Variants in PHACTR1 observed in about 807,000 individuals in gnomAD.
PHACTR1 encodes RPEL repeat containing 1.
A neutral mutation model predicts 69.2 loss-of-function variants in PHACTR1; 16 were observed. The observed-to-expected ratio is 0.23, with a 90% CI of 0.16 to 0.35. The LOEUF (loss-of-function observed/expected upper bound fraction) is 0.35, where lower values mean the gene tolerates loss of function less well. PHACTR1 is among the 10% of genes least tolerant of loss of function. The pLI is 1.00. For synonymous variants in PHACTR1, 312 were observed against 284.5 expected, an observed-to-expected ratio of 1.10 and a Z score of -0.97; for missense variants, 510 against 734.7, an observed-to-expected ratio of 0.69 and a Z score of 3.54.
chr6:12,974,774 T>G (rs1162812069), intron 4 of PHACTR1, among the ~76,000 whole-genome samples: 1 of 152,132 alleles, frequency 6.6e-6, no homozygotes, highest in East Asian at 1.9e-4. Flanking sequence ...GCAAGCAATA[T>G]TTTGAGAGGT....
At chr6:12,777,979 T>C (rs951852300) in intron 4 of PHACTR1, among the ~76,000 whole-genome samples, 17 of 152,144 alleles carry the variant, frequency 1.1e-4, no homozygotes, top group African/African-American at 4.1e-4. Flanking sequence ...TATGGGCATA[T>C]GAATGGGATG....
chr6:13,178,419 T>C (rs531763087), intron 6 of PHACTR1, among the ~76,000 whole-genome samples: 8 of 152,236 alleles, frequency 5.3e-5, no homozygotes, highest in Non-Finnish European at 1.2e-4. Context: ...TTATCCTTAA[T>C]TCAGTGTTTT....
chr6:13,113,187 C>CAAGA (rs1817302738), intron 5 of PHACTR1, among the ~76,000 whole-genome samples: 1 of 151,894 alleles, frequency 6.6e-6, no homozygotes, highest in African/African-American at 2.4e-5. Context: ...AGTGGCAGAG[C>CAAGA]AAGATCCTGT....
chr6:13,145,173 A>C (rs1017687391), intron 5 of PHACTR1, among the ~76,000 whole-genome samples: 2 of 152,244 alleles, frequency 1.3e-5, no homozygotes, highest in Non-Finnish European at 2.9e-5. Flanking sequence ...CAGAATCAAC[A>C]GAAAATCTGC....
rs1364969049 is a variant in PHACTR1 at position 13,103,581 on chromosome 6, AT to A, written c.415+50054del. Among the ~76,000 whole-genome samples the A allele has an allele frequency of 5.9e-5, 9 of 152,316 alleles. 1 individual carries two copies. Among genetic ancestry groups the A allele is most frequent in the Non-Finnish European group, 7.4e-5 (5 of 68,016 alleles). ...AAAACAAAAAGTATATATAATTGTT[AT>A]TATGGGGTAGAAGTGTTTCTTTGTT... On this transcript the variant is annotated intron_variant, in intron 5 of 14. Transcript: ENST00000332995.
chr6:13,135,732 T>A (rs1188251517), intron 5 of PHACTR1, among the ~76,000 whole-genome samples: 1 of 152,132 alleles, frequency 6.6e-6, no homozygotes, highest in Admixed American at 6.5e-5. Flanking sequence ...TTAAAACGTA[T>A]TTTAGGCCAG....
chr6:13,220,156 G>C (rs945521352), intron 8 of PHACTR1, among the ~76,000 whole-genome samples: 1 of 152,196 alleles, frequency 6.6e-6, no homozygotes, highest in African/African-American at 2.4e-5. Context: ...AGATGCTCCT[G>C]CTCCTTCATC....
chr6:13,148,719 A>G (rs1327631674), intron 5 of PHACTR1, among the ~76,000 whole-genome samples: 1 of 152,240 alleles, frequency 6.6e-6, no homozygotes, highest in East Asian at 1.9e-4. Context: ...TCCAGAGGAA[A>G]GTATGCTATC....
At chr6:12,768,817 C>T (rs1769010256) in intron 4 of PHACTR1, among the ~76,000 whole-genome samples, 1 of 111,192 alleles carries the variant, frequency 9.0e-6, no homozygotes, top group Non-Finnish European at 2.1e-5. Context: ...TCTACACACA[C>T]ACACACACAC....
intron 8 of PHACTR1, among the ~76,000 whole-genome samples, chr6:13,211,388 G>C (rs1198739256): frequency 6.6e-6 from 1 of 151,972 alleles, no homozygotes; most frequent in African/African-American, 2.4e-5. Context: ...CCGTGATCTA[G>C]TTGGCATCAA....
chr6:12,963,066 G>A (rs1792954787), intron 4 of PHACTR1, among the ~76,000 whole-genome samples: 1 of 152,170 alleles, frequency 6.6e-6, no homozygotes, highest in Non-Finnish European at 1.5e-5. Context: ...GATTTGCAAG[G>A]GGTATTTACA....
intron 4 of PHACTR1, among the ~76,000 whole-genome samples, chr6:12,862,535 C>T (rs1211900293): frequency 6.6e-6 from 1 of 152,122 alleles, no homozygotes; most frequent in Non-Finnish European, 1.5e-5. Context: ...CATCCCCCTC[C>T]CTTACAAGCC....
intron 5 of PHACTR1, among the ~76,000 whole-genome samples, chr6:13,071,253 C>T (rs1809481359): frequency 6.6e-6 from 1 of 151,974 alleles, no homozygotes; most frequent in Admixed American, 6.6e-5. Context: ...ATGGTAAAAC[C>T]CCATCTCTAC....
Position 13,182,653 on chromosome 6 carries a change from G to A in PHACTR1, c.631G>A (p.Val211Met), listed in dbSNP as rs1458061937. The change falls in exon 7 of 15, where the codon GTG becomes ATG. Residue 211 changes from valine to methionine, a missense_variant. By Grantham distance (21) the Val-to-Met change is conservative. Around this residue, in one of 2 missense-constraint regions of PHACTR1, gnomAD observed 419 missense variants for 530.9 expected, o/e 0.79. Transcript: ENST00000332995. ...GCCCAGGGATCCCTGCTCATATGAG[G>A]TGCTCCAACCGTCAGACATCATGGA... ...PMPRDPCSYE[V>M]LQPSDIMDGP... 2.5e-6 allele frequency: 4 copies of A among 1,589,112 alleles called. No homozygotes were observed. Among genetic ancestry groups the A allele is most frequent in the African/African-American group, 2.7e-5 (2 of 73,806 alleles).
intron 6 of PHACTR1, among the ~76,000 whole-genome samples, chr6:13,176,864 T>A (rs1761387338): frequency 6.6e-6 from 1 of 152,156 alleles, no homozygotes; most frequent in African/African-American, 2.4e-5. Context: ...GAGATACATT[T>A]TAAACATGGG....
At chr6:13,269,976 A>G (rs1584335591) in intron 10 of PHACTR1, among the ~76,000 whole-genome samples, 2 of 152,228 alleles carry the variant, frequency 1.3e-5, no homozygotes, top group Non-Finnish European at 2.9e-5. Flanking sequence ...CTGTAATTCA[A>G]TTTGATTCTG....
chr6:13,086,975 T>C (rs1370225304), intron 5 of PHACTR1, among the ~76,000 whole-genome samples: 1 of 152,032 alleles, frequency 6.6e-6, no homozygotes, highest in Non-Finnish European at 1.5e-5. Context: ...GGTATGAGTC[T>C]CACTGTAATT....
intron 4 of PHACTR1, among the ~76,000 whole-genome samples, chr6:12,925,326 T>C (rs1447495009): frequency 1.3e-5 from 2 of 152,304 alleles, no homozygotes; most frequent in Admixed American, 1.3e-4. Flanking sequence ...AGGTTATGAA[T>C]ATATTGGTCA....
At chr6:13,093,438 A>G (rs1361950843) in intron 5 of PHACTR1, among the ~76,000 whole-genome samples, 2 of 152,210 alleles carry the variant, frequency 1.3e-5, no homozygotes, top group African/African-American at 4.8e-5. Flanking sequence ...AGAAACAATC[A>G]GCCTCCCACG....
Sources: allele counts gnomAD v4.1 joint callset (sites outside exome capture counted in the v4.1 genomes callset), GRCh38; gene constraint gnomAD v4.1.1; regional missense constraint gnomAD v4.1.1; transcripts MANE v1.5; gene names NCBI Gene and HGNC (gene_info 2026-07-23, HGNC 2026-07-21).